Variants in PCDH9 observed in about 807,000 individuals in gnomAD.
The protein encoded by PCDH9 is protocadherin-9.
PCDH9 carries 24 observed loss-of-function variants against 70.6 expected under a neutral mutation model. The observed-to-expected ratio is 0.34, with a 90% CI of 0.25 to 0.48. The LOEUF (loss-of-function observed/expected upper bound fraction) is 0.48. PCDH9 is among the 20% of genes least tolerant of loss of function. The pLI is 0.99. For missense variants in PCDH9, 1,281 were observed against 1,503.6 expected, an observed-to-expected ratio of 0.85 and a Z score of 2.45; for synonymous variants, 562 against 558.5, an observed-to-expected ratio of 1.01 and a Z score of -0.09.
At chr13:66,532,713 T>C (rs1358698168) in intron 4 of PCDH9, among the ~76,000 whole-genome samples, 1 of 152,072 alleles carries the variant, frequency 6.6e-6, no homozygotes, top group African/African-American at 2.4e-5. Context: ...ATATTTTCGG[T>C]AGAGACGGGG....
At chr13:66,982,087 T>C (rs893216508) in intron 2 of PCDH9, among the ~76,000 whole-genome samples, 2 of 152,184 alleles carry the variant, frequency 1.3e-5, no homozygotes, top group African/African-American at 4.8e-5. Context: ...TCCTGAGATC[T>C]GCTCCTTTAA....
chr13:66,326,397 TAA>T (rs372315902), intron 4 of PCDH9, among the ~76,000 whole-genome samples: 51 of 119,762 alleles, frequency 4.3e-4, no homozygotes, highest in African/African-American at 1.2e-3. Flanking sequence ...CTTCTTCTTC[TAA>T]AAAAAAAAAA....
chr13:66,556,573 T>C (rs750834434), intron 4 of PCDH9, among the ~76,000 whole-genome samples: 2 of 152,190 alleles, frequency 1.3e-5, no homozygotes, highest in Non-Finnish European at 2.9e-5. Context: ...AGGATGACTC[T>C]ATCTCAATAA....
Position 67,214,802 on chromosome 13 carries a change from A to G in PCDH9, c.3036+10603T>C, listed in dbSNP as rs555822695. 10 of 151,446 alleles carry G rather than the reference A, an allele frequency of 6.6e-5. No individual in the cohort carries two copies. The East Asian group carries it at 2.0e-3, about 30-fold the overall frequency. 9.4% of individuals were successfully genotyped at this position (151,446 alleles called of 1,614,324 possible). ...ATACAATAGAAATCAGATTCAAGAA[A>G]ACAACCAAAAACAAAATCAAGAAAG... On this transcript the variant is annotated intron_variant, in intron 2 of 4. Transcript: ENST00000377865.
intron 4 of PCDH9, among the ~76,000 whole-genome samples, chr13:66,589,426 T>C (rs958124869): frequency 6.6e-6 from 1 of 152,152 alleles, no homozygotes; most frequent in Admixed American, 6.6e-5. Context: ...CTGATCATTC[T>C]ATTTTATATG....
chr13:66,502,089 T>G (rs544860278), intron 4 of PCDH9, among the ~76,000 whole-genome samples: 2 of 152,172 alleles, frequency 1.3e-5, no homozygotes, highest in African/African-American at 4.8e-5. Context: ...CTACCTGTTA[T>G]GGTAGCTGTT....
chr13:67,026,294 G>C (rs1004703248), intron 2 of PCDH9, among the ~76,000 whole-genome samples: 1 of 152,138 alleles, frequency 6.6e-6, no homozygotes, highest in Admixed American at 6.6e-5. Context: ...AAGGATATTG[G>C]TCTAAAATTC....
chr13:67,141,830 C>T (rs1043596153), intron 2 of PCDH9, among the ~76,000 whole-genome samples: 3 of 151,786 alleles, frequency 2.0e-5, no homozygotes, highest in African/African-American at 7.3e-5. Flanking sequence ...AATCCTGAGT[C>T]TCAAGAGATT....
intron 2 of PCDH9, among the ~76,000 whole-genome samples, chr13:67,200,240 T>C (rs1045868107): frequency 1.3e-5 from 2 of 152,120 alleles, no homozygotes; most frequent in African/African-American, 2.4e-5. Context: ...AGTTATTTTC[T>C]ATGTGAATTT....
At chr13:66,370,487 T>G (rs1218222701) in intron 4 of PCDH9, among the ~76,000 whole-genome samples, 1 of 151,816 alleles carries the variant, frequency 6.6e-6, no homozygotes, top group East Asian at 1.9e-4. Flanking sequence ...GTTTTGTTTT[T>G]TCTTTTCTTT....
In PCDH9 at chr13:66,839,568, C is replaced by G. The variant is rs888252847; in HGVS notation, c.3138+63936G>C. On this transcript the variant is annotated intron_variant, in intron 3 of 4. Transcript: ENST00000377865. ...TTCTTCTTCAGTTCAGGTATCTTAC[C>G]TGCATATTTTAACAAGCTTTATCTT... Among the ~76,000 whole-genome samples, 4 of 152,162 alleles carry G rather than the reference C, an allele frequency of 2.6e-5. No individual in the cohort carries two copies. In the East Asian group the frequency reaches 7.7e-4, roughly 29 times the overall value.
chr13:66,796,582 A>G (rs755715615), intron 3 of PCDH9, among the ~76,000 whole-genome samples: 5 of 152,162 alleles, frequency 3.3e-5, no homozygotes, highest in Non-Finnish European at 7.4e-5. Context: ...AATGTTTCTC[A>G]TTTGATGGGT....
chr13:66,783,392 A>G (rs1052758690), intron 3 of PCDH9, among the ~76,000 whole-genome samples: 21 of 152,138 alleles, frequency 1.4e-4, no homozygotes, highest in African/African-American at 4.8e-4. Context: ...CTAAGTCACC[A>G]TGCCAAAAAA....
intron 2 of PCDH9, among the ~76,000 whole-genome samples, chr13:67,071,429 G>A (rs375338109): frequency 1.3e-5 from 2 of 152,024 alleles, no homozygotes; most frequent in Admixed American, 1.3e-4. Context: ...CCTTGGTAGG[G>A]ATATAAATTT....
intron 4 of PCDH9, among the ~76,000 whole-genome samples, chr13:66,584,483 T>C (rs2076936266): frequency 6.6e-6 from 1 of 152,130 alleles, no homozygotes; most frequent in Non-Finnish European, 1.5e-5. Flanking sequence ...TTGAACAAAG[T>C]CGATAAACAT....
At chr13:66,460,037 G>T (rs1317641919) in intron 4 of PCDH9, among the ~76,000 whole-genome samples, 1 of 151,842 alleles carries the variant, frequency 6.6e-6, no homozygotes, top group Non-Finnish European at 1.5e-5. Context: ...AATCTGTATG[G>T]TATCATTTGA....
At chr13:66,832,727 A>C (rs2080950220) in intron 3 of PCDH9, among the ~76,000 whole-genome samples, 1 of 152,166 alleles carries the variant, frequency 6.6e-6, no homozygotes, top group African/African-American at 2.4e-5. Context: ...CGTGATTGGA[A>C]TCCTATCAAA....
intron 3 of PCDH9, among the ~76,000 whole-genome samples, chr13:66,782,317 A>C (rs1171559172): frequency 6.6e-6 from 1 of 152,186 alleles, no homozygotes; most frequent in Non-Finnish European, 1.5e-5. Context: ...TTCCTAGTCC[A>C]ACAAAAGAAC....
chr13:66,736,724 G>A (rs866871895), intron 3 of PCDH9, among the ~76,000 whole-genome samples: 9 of 152,148 alleles, frequency 5.9e-5, no homozygotes, highest in African/African-American at 2.2e-4. Context: ...ATATGAATAG[G>A]TAAGTCTGTT....
Sources: gnomAD v4.1 joint callset for allele counts (sites outside exome capture counted in the v4.1 genomes callset) on GRCh38, gnomAD v4.1.1 for gene constraint, MANE v1.5 for transcripts, NCBI Gene and HGNC (gene_info 2026-07-23, HGNC 2026-07-21) for gene names.